The following TRPM3 variants were observed in gnomAD, a reference collection of about 807,000 sequenced individuals.
The protein encoded by TRPM3 is long transient receptor potential channel 3.
A neutral mutation model predicts 181.2 loss-of-function variants in TRPM3; 77 were observed. The ratio of observed to expected loss-of-function variants is 0.42; its 90% confidence interval spans 0.35 to 0.51. The LOEUF is 0.51. TRPM3 is among the 20% of genes least tolerant of loss of function. TRPM3 has a pLI of 0.01. For synonymous variants in TRPM3, 745 were observed against 796.4 expected, an observed-to-expected ratio of 0.94 and a Z score of 1.09; for missense variants, 1,759 against 2,196.7, an observed-to-expected ratio of 0.80 and a Z score of 3.98.
chr9:70,551,639 A>C (rs949062168), intron 24 of TRPM3, among the ~76,000 whole-genome samples: 9 of 152,070 alleles, frequency 5.9e-5, no homozygotes, highest in African/African-American at 1.9e-4. Context: ...TTCTACCACA[A>C]ATGACTCATG....
exon 1 of TRPM3, chr9:71,446,832 C>G (rs1165518261): frequency 2.6e-6 from 4 of 1,540,106 alleles, no homozygotes; most frequent in Non-Finnish European, 3.5e-6. Context: ...CACTTCTTCC[C>G]CATGAGAAGT....
At chr9:70,592,113 A>G (rs1348618238) in intron 21 of TRPM3, among the ~76,000 whole-genome samples, 1 of 152,180 alleles carries the variant, frequency 6.6e-6, no homozygotes, top group Non-Finnish European at 1.5e-5. Context: ...CACTCAAAAT[A>G]TTAAATAGAT....
At chr9:71,015,962 C>T (rs899778419) in intron 1 of TRPM3, among the ~76,000 whole-genome samples, 6 of 151,754 alleles carry the variant, frequency 4.0e-5, no homozygotes, top group South Asian at 2.1e-4. Flanking sequence ...TTTGGGAGGC[C>T]GAGGGAGGCG....
intron 1 of TRPM3, among the ~76,000 whole-genome samples, chr9:71,434,396 C>G (rs1317671218): frequency 6.6e-6 from 1 of 152,092 alleles, no homozygotes; most frequent in Non-Finnish European, 1.5e-5. Flanking sequence ...GGCCTTCACC[C>G]TCACCAATCA....
intron 1 of TRPM3, among the ~76,000 whole-genome samples, chr9:71,119,064 GACAAT>G (rs2073061330): frequency 6.6e-6 from 1 of 152,116 alleles, no homozygotes; most frequent in Non-Finnish European, 1.5e-5. Flanking sequence ...CCAGAGAGTG[GACAAT>G]ACAATTGCTC....
intron 12 of TRPM3, among the ~76,000 whole-genome samples, chr9:70,634,311 T>C (rs1672260630): frequency 6.6e-6 from 1 of 152,144 alleles, no homozygotes; most frequent in African/African-American, 2.4e-5. Flanking sequence ...GGTTTCACCA[T>C]GTTAACCAGA....
intron 1 of TRPM3, among the ~76,000 whole-genome samples, chr9:71,420,641 GAGAGAA>G (rs1185802849): frequency 3.2e-5 from 4 of 124,710 alleles, no homozygotes; most frequent in Non-Finnish European, 5.3e-5. Context: ...AAGAAAAAGA[GAGAGAA>G]AGAGAAAGAA....
chr9:70,967,399 T>C (rs2097196309), intron 1 of TRPM3, among the ~76,000 whole-genome samples: 1 of 151,926 alleles, frequency 6.6e-6, no homozygotes, highest in African/African-American at 2.4e-5. Context: ...TATGTTTTTT[T>C]TTAAATTTTT....
chr9:71,162,169 C>T (rs1364305911), intron 1 of TRPM3, among the ~76,000 whole-genome samples: 1 of 115,040 alleles, frequency 8.7e-6, no homozygotes, highest in Non-Finnish European at 1.6e-5. Context: ...CACTGCACTC[C>T]AAGCTGGGTG....
rs1459436923 is a variant in TRPM3, at chr9:70,982,447, T to C, written c.178-117936A>G. 2.6e-5 allele frequency among the ~76,000 whole-genome samples: 4 copies of C among 152,208 alleles called. No homozygotes were observed. The East Asian group carries it at 7.7e-4, about 29-fold the overall frequency. Reference sequence around the variant, plus strand: ...CTTCTTCTCTCCTGGTAGATTAAAATAGCTGTTCCTTCTATTATCTAAGAT... The same window carrying C: ...CTTCTTCTCTCCTGGTAGATTAAAACAGCTGTTCCTTCTATTATCTAAGAT... On this transcript the variant is annotated intron_variant, in intron 1 of 25. Transcript: ENST00000677713.
chr9:71,132,679 T>A (rs1027676169), intron 1 of TRPM3, among the ~76,000 whole-genome samples: 2 of 152,168 alleles, frequency 1.3e-5, no homozygotes, highest in African/African-American at 4.8e-5. Context: ...TTAAAATTCA[T>A]AAAAATATAA....
At chr9:71,057,347 G>C (rs12553795) in intron 1 of TRPM3, among the ~76,000 whole-genome samples, 1 of 151,966 alleles carries the variant, frequency 6.6e-6, no homozygotes, top group South Asian at 2.1e-4. Context: ...TTCTGCTTTT[G>C]TATTTGAAGC....
At chr9:71,182,059 T>C (rs1322504845) in intron 1 of TRPM3, among the ~76,000 whole-genome samples, 2 of 152,158 alleles carry the variant, frequency 1.3e-5, no homozygotes, top group Non-Finnish European at 2.9e-5. Context: ...ATACTCTCTT[T>C]TGCACATAAC....
chr9:71,134,017 G>GCGCGCGCA (rs1565261349), intron 1 of TRPM3, among the ~76,000 whole-genome samples: 20 of 123,730 alleles, frequency 1.6e-4, no homozygotes, highest in African/African-American at 5.7e-4. Flanking sequence ...GTGTGTGTGC[G>GCGCGCGCA]CGTGCGCGCG....
At chr9:70,591,009 T>C (rs1012411268) in intron 22 of TRPM3, 22 bp downstream of exon 22, 1 of 1,613,326 alleles carries the variant, frequency 6.2e-7, no homozygotes, top group Admixed American at 1.7e-5. Flanking sequence ...CTTTGGTGTA[T>C]GAGAATCATA....
intron 1 of TRPM3, among the ~76,000 whole-genome samples, chr9:71,326,150 T>C (rs754620275): frequency 1.3e-5 from 2 of 152,196 alleles, no homozygotes; most frequent in Non-Finnish European, 2.9e-5. Flanking sequence ...TAACCTAAGA[T>C]TGTGGGGAAG....
intron 1 of TRPM3, among the ~76,000 whole-genome samples, chr9:71,305,282 G>C (rs1021649633): frequency 5.3e-5 from 8 of 152,190 alleles, no homozygotes; most frequent in African/African-American, 1.9e-4. Flanking sequence ...CAAGAACCAA[G>C]ATTCAGAAAC....
At chr9:70,601,341 G>C (rs1009408040) in intron 20 of TRPM3, among the ~76,000 whole-genome samples, 8 of 152,166 alleles carry the variant, frequency 5.3e-5, no homozygotes, top group Non-Finnish European at 5.9e-5. Flanking sequence ...GCTGGGAATG[G>C]GGGTATCATG....
intron 1 of TRPM3, among the ~76,000 whole-genome samples, chr9:71,353,274 C>T (rs1335115353): frequency 2.6e-5 from 4 of 152,164 alleles, no homozygotes; most frequent in Admixed American, 1.3e-4. Flanking sequence ...TTCCTCTACA[C>T]TACACTAAAA....
Sources: gnomAD v4.1 joint callset for allele counts (sites outside exome capture counted in the v4.1 genomes callset) on GRCh38, gnomAD v4.1.1 for gene constraint, MANE v1.5 for transcripts, NCBI Gene and HGNC (gene_info 2026-07-23, HGNC 2026-07-21) for gene names.